Variants in PLEKHG4B observed in about 807,000 individuals in gnomAD.
PLEKHG4B encodes the protein pleckstrin homology domain-containing family G member 4B.
Under a neutral mutation model 121.3 loss-of-function variants are expected in PLEKHG4B, and 111 were observed. The observed-to-expected ratio is 0.92, with a 90% CI of 0.78 to 1.07. The LOEUF (loss-of-function observed/expected upper bound fraction) is 1.07. Ranked by LOEUF, PLEKHG4B falls within the 50% of genes least tolerant of loss-of-function variation. The pLI is 0.00. For missense variants in PLEKHG4B, 1,831 were observed against 1,757.8 expected, an observed-to-expected ratio of 1.04 and a Z score of -0.74; for synonymous variants, 738 against 725.0, an observed-to-expected ratio of 1.02 and a Z score of -0.29.
chr5:139,424 A>G lies in PLEKHG4B; in HGVS notation c.244-59A>G. 2.5e-6 allele frequency: 1 copy of G among 398,906 alleles called. No individual in the cohort carries two copies. The highest frequency in any genetic ancestry group is 4.4e-5 in the Admixed American group (1 of 22,740). 24.7% of individuals were successfully genotyped at this position (398,906 alleles called of 1,614,324 possible). A position where few individuals can be genotyped will look rare whatever the true frequency, so the allele number is the denominator to read the frequency against. On this transcript the variant is annotated intron_variant, in intron 2 of 19. Transcript: ENST00000637938. The surrounding 1 kb of genome is among the most constrained non-coding windows in gnomAD (Gnocchi z 5.0). ...CCCCTGAGGGGTGGAGACCCAGGGC[A>G]TGGAAGGGCTCAGGACATGGCCGTG...
At chr5:151,319 G>A (rs1319027060) in intron 6 of PLEKHG4B, among the ~76,000 whole-genome samples, 194 bp from the exon 7 acceptor site, 2 of 152,044 alleles carry the variant, frequency 1.3e-5, no homozygotes, top group African/African-American at 2.4e-5. Context: ...ATTATACCTC[G>A]ATAAACCTGA....
chr5:137,343 T>C lies in PLEKHG4B; in HGVS notation c.244-2140T>C, dbSNP rs1735012843. Reference sequence around the variant, plus strand: ...TCTGGAGATGGTGGTGATGGTTACATAACCGTGTGAATGTACTTAATGCCA... The same window carrying C: ...TCTGGAGATGGTGGTGATGGTTACACAACCGTGTGAATGTACTTAATGCCA... On this transcript the variant is annotated intron_variant, in intron 2 of 19. Coordinates refer to ENST00000637938, the MANE Select transcript of PLEKHG4B (RefSeq NM_052909.5). The surrounding 1 kb of genome is among the most constrained non-coding windows in gnomAD (Gnocchi z 4.2). Among the ~76,000 whole-genome samples, 1 of 152,156 alleles carries C rather than the reference T, an allele frequency of 6.6e-6. No homozygotes were observed. Among genetic ancestry groups the C allele is most frequent in the Non-Finnish European group, 1.5e-5 (1 of 68,034 alleles).
At chr5:131,013 T>G (rs560147033) in intron 2 of PLEKHG4B, among the ~76,000 whole-genome samples, 1 of 152,358 alleles carries the variant, frequency 6.6e-6, no homozygotes, top group East Asian at 1.9e-4. Context: ...TACATTCCAC[T>G]TGGAATAGTC....
intron 15 of PLEKHG4B, 25 bp downstream of exon 15, chr5:171,157 A>C (rs905858886): frequency 8.1e-6 from 13 of 1,608,766 alleles, no homozygotes; most frequent in Non-Finnish European, 1.1e-5. Flanking sequence ...CCCGCCCCCC[A>C]CAGCCTGCCC....
At chr5:104,007 C>T (rs1035415912) in intron 1 of PLEKHG4B, among the ~76,000 whole-genome samples, 1 of 152,204 alleles carries the variant, frequency 6.6e-6, no homozygotes, top group Non-Finnish European at 1.5e-5. Flanking sequence ...AGCCCAGTCC[C>T]AGCACCGATA....
chr5:117,897 A>T (rs1034594985), intron 2 of PLEKHG4B, among the ~76,000 whole-genome samples: 1 of 152,304 alleles, frequency 6.6e-6, no homozygotes, highest in South Asian at 2.1e-4. Context: ...AAAAATATAG[A>T]AACAGGATAT....
intron 18 of PLEKHG4B, among the ~76,000 whole-genome samples, chr5:174,591 A>C (rs938552012): frequency 6.6e-6 from 1 of 152,150 alleles, no homozygotes; most frequent in African/African-American, 2.4e-5. Context: ...GGATGGGGTC[A>C]TTGCCCCGAA....
intron 19 of PLEKHG4B, 139 bp from the exon 20 acceptor site, chr5:181,865 G>A: frequency 7.8e-7 from 1 of 1,277,398 alleles, no homozygotes; most frequent in Non-Finnish European, 1.1e-6. Context: ...TGGGCCAGTG[G>A]CCGACATGGT....
intron 18 of PLEKHG4B, among the ~76,000 whole-genome samples, chr5:177,012 G>T (rs1401727148): frequency 2.0e-5 from 3 of 152,154 alleles, no homozygotes; most frequent in African/African-American, 7.2e-5. Context: ...GTCACTTAAG[G>T]CCTCTTGACT....
At chr5:130,376 A>G (rs1734744173) in intron 2 of PLEKHG4B, among the ~76,000 whole-genome samples, 1 of 152,352 alleles carries the variant, frequency 6.6e-6, no homozygotes, top group African/African-American at 2.4e-5. Flanking sequence ...GGAAATGTTA[A>G]TAACTAATAT....
chr5:112,308 C>T (rs1415005951), intron 1 of PLEKHG4B, among the ~76,000 whole-genome samples: 1 of 152,236 alleles, frequency 6.6e-6, no homozygotes, highest in Non-Finnish European at 1.5e-5. Context: ...ACAGACCCTT[C>T]TCCCACTGCA....
In PLEKHG4B at chr5:105,802, G is replaced by A. The variant is rs370766676; in HGVS notation, c.46-7449G>A. Among the ~76,000 whole-genome samples, 17 of 152,166 alleles carry A rather than the reference G, an allele frequency of 1.1e-4. No individual in the cohort carries two copies. In the East Asian group the frequency reaches 2.9e-3, roughly 26 times the overall value. ...TTTTCTACCTAATGGTTTTCAAGACGACGTAAGCAGGAAAGAATGGTTGTT... is the reference window on the plus strand; with the variant it reads ...TTTTCTACCTAATGGTTTTCAAGACAACGTAAGCAGGAAAGAATGGTTGTT... On this transcript the variant is annotated intron_variant, in intron 1 of 19. Coordinates refer to ENST00000637938, the MANE Select transcript of PLEKHG4B (RefSeq NM_052909.5).
Position 181,538 on chromosome 5 carries a change from C to A in PLEKHG4B, c.4427C>A (p.Ser1476Tyr). Residue 1476 changes from serine (S) to tyrosine (Y), a missense_variant, in exon 19 of 20, where the codon TCC (serine) becomes TAC (tyrosine). Coordinates refer to ENST00000637938, the MANE Select transcript of PLEKHG4B (RefSeq NM_052909.5). ...GAACTCAGAATCCAAGAAATGGCATCCATGGGTATAGGCAACCAGCCATTC... is the reference window on the plus strand; with the variant it reads ...GAACTCAGAATCCAAGAAATGGCATACATGGGTATAGGCAACCAGCCATTC... ...SRELRIQEMASMGIGNQPFMD... is the reference protein window; with the variant it reads ...SRELRIQEMAYMGIGNQPFMD... The A allele has an allele frequency of 6.2e-7, 1 of 1,613,968 alleles. No individual in the cohort carries two copies. The highest frequency in any genetic ancestry group is 8.5e-7 in the Non-Finnish European group (1 of 1,179,928).
At chr5:123,777 C>T (rs1734533792) in intron 2 of PLEKHG4B, among the ~76,000 whole-genome samples, 1 of 152,028 alleles carries the variant, frequency 6.6e-6, no homozygotes, top group Non-Finnish European at 1.5e-5. Flanking sequence ...AAAGGTTTGT[C>T]AACTTTTTTT....
In PLEKHG4B at chr5:188,524, TAG is replaced by T. The variant is rs1338959584; in HGVS notation, c.*6205_*6206del. Reference sequence around the variant, plus strand: ...ATGTGGGTTCTGTGTGCCTGTGACATAGAGAATGTTTTCCACACCGCGTGTGA... The same window carrying T: ...ATGTGGGTTCTGTGTGCCTGTGACATAGAATGTTTTCCACACCGCGTGTGA... On this transcript the variant is annotated 3_prime_UTR_variant, in exon 20 of 20. Transcript: ENST00000637938. 6.6e-6 allele frequency: 1 copy of T among 152,218 alleles called. No homozygotes were observed. The highest frequency in any genetic ancestry group is 1.5e-5 in the Non-Finnish European group (1 of 68,042). The allele number at this position is 152,218 out of a possible 1,614,324, so 9.4% of individuals were successfully genotyped here.
chr5:184,844 A>G lies in PLEKHG4B; in HGVS notation c.*2521A>G, dbSNP rs987754773. 1 of 152,256 alleles carries G rather than the reference A, an allele frequency of 6.6e-6. No individual in the cohort carries two copies. Among genetic ancestry groups the G allele is most frequent in the Admixed American group, 6.5e-5 (1 of 15,290 alleles). The allele number at this position is 152,256 out of a possible 1,614,324, so 9.4% of individuals were successfully genotyped here. A position where few individuals can be genotyped will look rare whatever the true frequency, so the allele number is the denominator to read the frequency against. The stretch of plus-strand genomic sequence containing the variant: ...GAACTGGGGGGTCATGCTGGGAAAC[A>G]TGGCAAGACCGCATCTCTATTAAAA... On this transcript the variant is annotated 3_prime_UTR_variant, in exon 20 of 20. Transcript: ENST00000637938.
At chr5:148,465 G>A (rs531742249) in intron 6 of PLEKHG4B, among the ~76,000 whole-genome samples, 6 of 151,856 alleles carry the variant, frequency 4.0e-5, no homozygotes, top group Non-Finnish European at 8.8e-5. Context: ...AGGAAATTAA[G>A]AAAACAGTTC....
At chr5:120,855 C>T (rs987809234) in intron 2 of PLEKHG4B, among the ~76,000 whole-genome samples, 31 of 152,130 alleles carry the variant, frequency 2.0e-4, no homozygotes, top group African/African-American at 7.0e-4. Context: ...ACAGAGACTT[C>T]TTAAAAACTA....
chr5:164,396 C>G, intron 13 of PLEKHG4B, among the ~76,000 whole-genome samples: 1 of 152,072 alleles, frequency 6.6e-6, no homozygotes, highest in Non-Finnish European at 1.5e-5. Context: ...GGAGCTCACA[C>G]AGTAATGATG....
Sources: allele counts gnomAD v4.1 joint callset (sites outside exome capture counted in the v4.1 genomes callset), GRCh38; gene constraint gnomAD v4.1.1; non-coding constraint Gnocchi (gnomAD v3.1); transcripts MANE v1.5; gene names NCBI Gene and HGNC (gene_info 2026-07-23, HGNC 2026-07-21).